Variants in MPPED2 observed in about 807,000 individuals in gnomAD.
MPPED2 encodes the protein metallophosphoesterase domain containing 2, also known as metallophosphoesterase MPPED2.
Under a neutral mutation model 33.0 loss-of-function variants are expected in MPPED2, and 5 were observed. The ratio of observed to expected loss-of-function variants is 0.15; its 90% CI spans 0.08 to 0.32. The LOEUF (loss-of-function observed/expected upper bound fraction) is 0.32, where lower values mean the gene tolerates loss of function less well. Among genes scored for constraint, MPPED2 ranks in the 10% least tolerant of loss-of-function variants. The pLI is 1.00. For missense variants in MPPED2, 275 were observed against 372.1 expected, an observed-to-expected ratio of 0.74 and a Z score of 2.15; for synonymous variants, 136 against 141.9, an observed-to-expected ratio of 0.96 and a Z score of 0.29.
intron 2 of MPPED2, among the ~76,000 whole-genome samples, chr11:30,555,825 T>C (rs1955940626): frequency 6.6e-6 from 1 of 152,194 alleles, no homozygotes; most frequent in African/African-American, 2.4e-5. Context: ...TATGAACCAA[T>C]GAAAAAAACA....
chr11:30,529,060 GC>G (rs1565156213), intron 3 of MPPED2, among the ~76,000 whole-genome samples: 2 of 152,264 alleles, frequency 1.3e-5, no homozygotes, highest in Non-Finnish European at 1.5e-5. Context: ...TATGTATCTA[GC>G]AAGAGATCTA....
At chr11:30,545,166 A>C (rs1955343965) in intron 2 of MPPED2, among the ~76,000 whole-genome samples, 1 of 152,184 alleles carries the variant, frequency 6.6e-6, no homozygotes, top group African/African-American at 2.4e-5. Flanking sequence ...CTACCCAGTA[A>C]GAGGAACAGA....
At chr11:30,532,417 C>T (rs76375233) in intron 3 of MPPED2, among the ~76,000 whole-genome samples, 7 of 152,290 alleles carry the variant, frequency 4.6e-5, no homozygotes, top group African/African-American at 7.2e-5. Flanking sequence ...TCTTTACACT[C>T]TGGATCCCTC....
intron 4 of MPPED2, among the ~76,000 whole-genome samples, chr11:30,471,896 A>T (rs1311575995): frequency 6.6e-6 from 1 of 152,170 alleles, no homozygotes; most frequent in Non-Finnish European, 1.5e-5. Flanking sequence ...AGGACAACTA[A>T]TCAATTTAAT....
At position 30,468,931 on chromosome 11, in the gene MPPED2, C is replaced by T. The variant is rs1950834915; in HGVS notation, c.536+26365G>A. On this transcript the variant is annotated intron_variant, in intron 4 of 6. Coordinates refer to ENST00000358117, the MANE Select transcript of MPPED2 (RefSeq NM_001584.3). ...GCTGCATAGCCAGCCCTCCCTACAC[C>T]TTCCCCACTTACCTTCCTTATCAGT... 4 of 152,268 alleles carry T rather than the reference C, an allele frequency of 2.6e-5. No homozygotes were observed. The South Asian group carries it at 8.3e-4, about 32-fold the overall frequency. The allele number at this position is 152,268 out of a possible 1,614,324, so 9.4% of individuals were successfully genotyped here. A position where few individuals can be genotyped will look rare whatever the true frequency, so the allele number is the denominator to read the frequency against.
At chr11:30,393,015 G>T (rs934183662) in intron 6 of MPPED2, among the ~76,000 whole-genome samples, 1 of 151,980 alleles carries the variant, frequency 6.6e-6, no homozygotes, top group Admixed American at 6.6e-5. Context: ...CCATCCTAGG[G>T]TTCTTCCCAG....
At chr11:30,436,050 CTTTT>C (rs71060449) in intron 4 of MPPED2, among the ~76,000 whole-genome samples, 30 of 108,458 alleles carry the variant, frequency 2.8e-4, no homozygotes, top group South Asian at 3.6e-4. Context: ...AGTTTAGCAT[CTTTT>C]TTTTTTTTTT....
At chr11:30,531,176 A>T (rs1811923093) in intron 3 of MPPED2, among the ~76,000 whole-genome samples, 1 of 152,218 alleles carries the variant, frequency 6.6e-6, no homozygotes, top group Non-Finnish European at 1.5e-5. Context: ...CTATCACTTT[A>T]AAAAGTATTT....
intron 3 of MPPED2, among the ~76,000 whole-genome samples, chr11:30,520,710 T>A (rs530658996): frequency 6.6e-6 from 1 of 152,234 alleles, no homozygotes; most frequent in African/African-American, 2.4e-5. Context: ...TTAAAATAAT[T>A]ATCAATTTCC....
chr11:30,461,337 C>G (rs1950510698), intron 4 of MPPED2, among the ~76,000 whole-genome samples: 1 of 152,030 alleles, frequency 6.6e-6, no homozygotes, highest in Non-Finnish European at 1.5e-5. Context: ...TGCCACTGAA[C>G]TGTACACTTA....
At chr11:30,558,131 CAT>C (rs996674892) in intron 2 of MPPED2, among the ~76,000 whole-genome samples, 42 of 152,100 alleles carry the variant, frequency 2.8e-4, no homozygotes, top group African/African-American at 9.7e-4. Flanking sequence ...TGCACACACA[CAT>C]ATACACACAC....
intron 4 of MPPED2, among the ~76,000 whole-genome samples, chr11:30,430,854 C>T (rs763179234): frequency 1.3e-5 from 2 of 152,174 alleles, no homozygotes; most frequent in African/African-American, 4.8e-5. Context: ...GCATACACTG[C>T]ACACCATGTC....
Position 30,411,295 on chromosome 11 carries a change from C to A in MPPED2, c.*173G>T. 2 of 1,250,560 alleles carry A rather than the reference C, an allele frequency of 1.6e-6. No homozygotes were observed. Among genetic ancestry groups the A allele is most frequent in the African/African-American group, 1.5e-5 (1 of 66,036 alleles). The allele number at this position is 1,250,560 out of a possible 1,614,324, so 77.5% of individuals were successfully genotyped here. ...ATGTTCCTCTGATTTCAAATGGATGCCCCATTTAAAATAAAATAAAATAAG... is the reference window on the plus strand; with the variant it reads ...ATGTTCCTCTGATTTCAAATGGATGACCCATTTAAAATAAAATAAAATAAG... On this transcript the variant is annotated 3_prime_UTR_variant, in exon 7 of 7. Transcript: ENST00000358117.
At chr11:30,482,008 G>A (rs1475351927) in intron 4 of MPPED2, among the ~76,000 whole-genome samples, 1 of 151,990 alleles carries the variant, frequency 6.6e-6, no homozygotes, top group South Asian at 2.1e-4. Flanking sequence ...GATCATATAC[G>A]TGATGACGGC....
At chr11:30,445,868 G>C (rs984782067) in intron 4 of MPPED2, among the ~76,000 whole-genome samples, 1 of 152,162 alleles carries the variant, frequency 6.6e-6, no homozygotes, top group Admixed American at 6.5e-5. Context: ...GGACACTTGA[G>C]GTGCTTCCAC....
chr11:30,406,648 AAAAC>A (rs941151541), downstream of MPPED2, among the ~76,000 whole-genome samples: 3 of 152,184 alleles, frequency 2.0e-5, no homozygotes, highest in Non-Finnish European at 2.9e-5. Flanking sequence ...AAAACAAAAT[AAAAC>A]AAACAAACAA....
intron 3 of MPPED2, among the ~76,000 whole-genome samples, chr11:30,508,026 T>C (rs1178546127): frequency 6.6e-6 from 1 of 152,188 alleles, no homozygotes; most frequent in Non-Finnish European, 1.5e-5. Context: ...CTCAGCATCT[T>C]AAAATTTATC....
chr11:30,560,735 T>C (rs529703560), intron 2 of MPPED2, among the ~76,000 whole-genome samples: 1 of 152,350 alleles, frequency 6.6e-6, no homozygotes, highest in African/African-American at 2.4e-5. Context: ...ATTTCACTTA[T>C]GTGATTCACT....
At chr11:30,469,819 T>A (rs560541184) in intron 4 of MPPED2, among the ~76,000 whole-genome samples, 1 of 152,324 alleles carries the variant, frequency 6.6e-6, no homozygotes, top group African/African-American at 2.4e-5. Context: ...TCTACACTTA[T>A]TAATCTGATA....
Sources: allele counts gnomAD v4.1 joint callset (sites outside exome capture counted in the v4.1 genomes callset), GRCh38; gene constraint gnomAD v4.1.1; transcripts MANE v1.5; gene names NCBI Gene and HGNC (gene_info 2026-07-23, HGNC 2026-07-21).